The following NRXN1 variants were observed in gnomAD, a reference collection of about 807,000 sequenced individuals.
NRXN1 encodes neurexin 1.
NRXN1 carries 39 observed loss-of-function variants against 150.9 expected under a neutral mutation model. The ratio of observed to expected loss-of-function variants is 0.26; its 90% CI spans 0.20 to 0.34. NRXN1 has a LOEUF of 0.34. Ranked by LOEUF, NRXN1 falls within the 10% of genes least tolerant of loss-of-function variation. The pLI, the probability that NRXN1 is intolerant of heterozygous loss-of-function variation, is 1.00. For synonymous variants in NRXN1, 924 were observed against 757.0 expected (o/e 1.22, Z -3.62); for missense variants, 1,815 against 1,949.9 (o/e 0.93, Z 1.30).
intron 14 of NRXN1, among the ~76,000 whole-genome samples, chr2:50,496,783 A>G (rs2091655413): frequency 6.6e-6 from 1 of 152,200 alleles, no homozygotes; most frequent in Non-Finnish European, 1.5e-5. Flanking sequence ...TATTGTAAAT[A>G]TACACCAATA....
intron 5 of NRXN1, among the ~76,000 whole-genome samples, chr2:50,731,751 T>G (rs1698136222): frequency 6.6e-6 from 1 of 152,212 alleles, no homozygotes; most frequent in African/African-American, 2.4e-5. Flanking sequence ...GAATTTTTCA[T>G]AGCTATCAAT....
chr2:50,627,701 C>A (rs1227067432), intron 5 of NRXN1, among the ~76,000 whole-genome samples: 2 of 151,516 alleles, frequency 1.3e-5, no homozygotes, highest in Non-Finnish European at 3.0e-5. Context: ...ATAAGTAGAT[C>A]TCTGAGTCAG....
At chr2:50,116,243 T>C (rs949776514) in intron 18 of NRXN1, among the ~76,000 whole-genome samples, 1 of 152,038 alleles carries the variant, frequency 6.6e-6, no homozygotes, top group Non-Finnish European at 1.5e-5. Context: ...GACATGGTAT[T>C]GCAGGCCCTA....
intron 22 of NRXN1, among the ~76,000 whole-genome samples, chr2:49,923,884 A>G (rs1479254722): frequency 6.6e-6 from 1 of 152,230 alleles, no homozygotes; most frequent in Non-Finnish European, 1.5e-5. Context: ...TGAATGTGTC[A>G]TTGCTTGTTT....
intron 5 of NRXN1, among the ~76,000 whole-genome samples, chr2:50,828,765 G>A (rs1276170442): frequency 2.0e-5 from 3 of 151,518 alleles, no homozygotes; most frequent in Non-Finnish European, 2.9e-5. Context: ...AGGCAGAGGG[G>A]CTCCTCATGT....
intron 5 of NRXN1, among the ~76,000 whole-genome samples, chr2:50,759,826 CTGTGTGTGTGTGTGTGTG>C (rs72209781): frequency 7.9e-4 from 112 of 142,312 alleles, no homozygotes; most frequent in Non-Finnish European, 4.6e-4. Context: ...TCTAACTAAG[CTGTGTGTGTGTGTGTGTG>C]TGTGTGTGTG....
At chr2:50,541,191 T>A (rs1400899070) in intron 9 of NRXN1, among the ~76,000 whole-genome samples, 2 of 152,162 alleles carry the variant, frequency 1.3e-5, no homozygotes, top group Non-Finnish European at 2.9e-5. Context: ...AACATATATG[T>A]ATGTATGTAT....
chr2:50,865,257 A>G (rs950727138), intron 5 of NRXN1, among the ~76,000 whole-genome samples: 2 of 151,946 alleles, frequency 1.3e-5, no homozygotes, highest in African/African-American at 4.8e-5. Context: ...AGGGAAAGGA[A>G]GCTCTTAGAC....
Position 50,075,906 on chromosome 2 carries a change from C to G in NRXN1, c.3718+15417G>C, listed in dbSNP as rs182700692. Among the ~76,000 whole-genome samples the G allele has an allele frequency of 1.1e-4, 16 of 152,272 alleles. No individual in the cohort carries two copies. In the East Asian group the frequency reaches 3.1e-3, roughly 29 times the overall value. ...CCTCGACTCATCCCCTCCGCTGGGA[C>G]TCTGGGGCAGCACCCGAGCTGTCTA... On this transcript the variant is annotated intron_variant, in intron 19 of 22. Coordinates refer to ENST00000401669, the MANE Select transcript of NRXN1 (RefSeq NM_001330078.2).
intron 17 of NRXN1, among the ~76,000 whole-genome samples, chr2:50,359,149 A>G (rs749155054): frequency 2.0e-5 from 3 of 152,170 alleles, no homozygotes; most frequent in Non-Finnish European, 4.4e-5. Context: ...AAAGATGAAG[A>G]AAAACCAGTG....
At chr2:50,250,744 A>G (rs765314475) in intron 17 of NRXN1, among the ~76,000 whole-genome samples, 1 of 151,920 alleles carries the variant, frequency 6.6e-6, no homozygotes, top group African/African-American at 2.4e-5. Context: ...ATTTATCATA[A>G]ATTGTGTCAT....
intron 17 of NRXN1, among the ~76,000 whole-genome samples, chr2:50,374,606 G>A (rs1448241515): frequency 1.3e-5 from 2 of 151,810 alleles, no homozygotes; most frequent in African/African-American, 4.8e-5. Context: ...GCACTCCTGG[G>A]CACATTTTCT....
In NRXN1 at chr2:50,053,256, A is replaced by C. The variant is rs942603546; in HGVS notation, c.4128+15T>G. 6.2e-7 allele frequency: 1 copy of C among 1,613,560 alleles called. No individual in the cohort carries two copies. The highest frequency in any genetic ancestry group is 8.5e-7 in the Non-Finnish European group (1 of 1,179,542). ...ATATAGGATGAAAATGAAGGAATAAAATCCACAGGCTCACCTGGCTAATGG... is the reference window on the plus strand; with the variant it reads ...ATATAGGATGAAAATGAAGGAATAACATCCACAGGCTCACCTGGCTAATGG... On this transcript the variant is annotated intron_variant, in intron 21 of 22. Transcript: ENST00000401669.
chr2:50,347,512 C>T lies in NRXN1; in HGVS notation c.3365-110542G>A. 4 of 1,049,150 alleles carry T rather than the reference C, an allele frequency of 3.8e-6. No individual in the cohort carries two copies. The highest frequency in any genetic ancestry group is 4.6e-6 in the Non-Finnish European group (4 of 867,724). 65.0% of individuals were successfully genotyped at this position (1,049,150 alleles called of 1,614,324 possible). A position where few individuals can be genotyped will look rare whatever the true frequency, so the allele number is the denominator to read the frequency against. On this transcript the variant is annotated intron_variant, in intron 17 of 22. Transcript: ENST00000401669. This position sits in a 1 kb window ranked among gnomAD's most constrained non-coding sequence, Gnocchi z 4.9. ...GCCCCTTCCCTCCATTCAGCCCCGG[C>T]CGGCTCGCCCGCTAGCGCCAGCCTC...
In NRXN1 at chr2:51,029,154, G is replaced by C. The variant is rs1299553956; in HGVS notation, c.-881C>G. 6.6e-6 allele frequency: 1 copy of C among 152,242 alleles called. No individual in the cohort carries two copies. Among genetic ancestry groups the C allele is most frequent in the Non-Finnish European group, 1.5e-5 (1 of 68,050 alleles). The allele number at this position is 152,242 out of a possible 1,614,324, so 9.4% of individuals were successfully genotyped here. On this transcript the variant is annotated 5_prime_UTR_variant, in exon 2 of 23. Transcript: ENST00000401669. ...CATCAATTGGTTGTGTGTTGGTGAT[G>C]CATTTTGGTTTTATCTTGTCTTTTT...
At chr2:50,818,868 T>C (rs1242235529) in intron 5 of NRXN1, among the ~76,000 whole-genome samples, 1 of 152,118 alleles carries the variant, frequency 6.6e-6, no homozygotes, top group Non-Finnish European at 1.5e-5. Flanking sequence ...GTTTAGACAT[T>C]TGTTCCAAGA....
At chr2:50,160,691 C>G (rs1269239453) in intron 18 of NRXN1, among the ~76,000 whole-genome samples, 1 of 152,012 alleles carries the variant, frequency 6.6e-6, no homozygotes, top group Non-Finnish European at 1.5e-5. Context: ...AAGGACTTCC[C>G]AAAGTATTCT....
intron 21 of NRXN1, among the ~76,000 whole-genome samples, chr2:49,992,521 A>G (rs542053646): frequency 2.0e-4 from 30 of 152,264 alleles, no homozygotes; most frequent in African/African-American, 6.5e-4. Flanking sequence ...CGGAGGTTGC[A>G]GTGAGCCCTT....
chr2:50,603,297 A>G (rs1573746299), intron 8 of NRXN1, among the ~76,000 whole-genome samples: 1 of 152,190 alleles, frequency 6.6e-6, no homozygotes, highest in South Asian at 2.1e-4. Context: ...GGAAACCTGT[A>G]AAACTTAATG....
Sources: allele counts gnomAD v4.1 joint callset (sites outside exome capture counted in the v4.1 genomes callset), GRCh38; gene constraint gnomAD v4.1.1; non-coding constraint Gnocchi (gnomAD v3.1); transcripts MANE v1.5; gene names NCBI Gene and HGNC (gene_info 2026-07-23, HGNC 2026-07-21).